GPRIN1: variants seen among roughly 807,000 people sequenced by gnomAD.
The protein encoded by GPRIN1 is G protein regulated inducer of neurite outgrowth 1.
A neutral mutation model predicts 2.8 loss-of-function variants in GPRIN1; 4 were observed. That is an observed-to-expected ratio of 1.45 (90% CI 0.71 to 3.32). The LOEUF is 3.32. Among genes scored for constraint, GPRIN1 ranks in the 30% most tolerant of loss-of-function variants. The probability of loss-of-function intolerance (pLI) is 0.01; values close to 1 mark genes in which losing one functional copy is unlikely to be tolerated. For synonymous variants in GPRIN1, 589 were observed against 589.9 expected (o/e 1.00, Z 0.02); for missense variants, 1,322 against 1,343.4 (o/e 0.98, Z 0.25).
chr5:176,597,525 G>A lies in GPRIN1; in HGVS notation c.2310C>T (p.Ala770=), dbSNP rs904976948. Residue 770 remains alanine (A), a synonymous_variant, in exon 2 of 2, where the codon GCC becomes GCT. Coordinates refer to ENST00000303991, the MANE Select transcript of GPRIN1 (RefSeq NM_052899.3). The surrounding 1 kb of genome is among the most constrained non-coding windows in gnomAD (Gnocchi z 6.1). ...GGCAGGGGCTTCTCTCGGCCCCAGC[G>A]GCTTCCAGGTCTTTCTGGCCGAGAC... ...ASSLGQKDLE[A]AGAERSPCPE... The A allele has an allele frequency of 1.6e-5, 24 of 1,502,866 alleles. No individual in the cohort carries two copies. The highest frequency in any genetic ancestry group is 1.1e-4 in the African/African-American group (8 of 71,418). 93.1% of individuals were successfully genotyped at this position (1,502,866 alleles called of 1,614,324 possible). A position where few individuals can be genotyped will look rare whatever the true frequency, so the allele number is the denominator to read the frequency against.
chr5:176,597,760 C>T lies in GPRIN1; in HGVS notation c.2075G>A (p.Gly692Glu). ...ASGKGEPVSL[G>E]KADSAPSRKT... ...TCTGGAAGGTGCAGAGTCGGCTTTC[C>T]CCAGGGACACAGGCTCTCCCTTCCC... is the stretch of plus-strand genomic sequence containing the variant. Residue 692 changes from glycine to glutamate, a missense_variant, in exon 2 of 2, where the codon GGG becomes GAG. By Grantham distance (98) the Gly-to-Glu change is moderately conservative. Around this residue, in one of 3 missense-constraint regions of GPRIN1, gnomAD observed 1,117 missense variants for 1,128.6 expected, o/e 0.99. Coordinates refer to ENST00000303991, the MANE Select transcript of GPRIN1 (RefSeq NM_052899.3). The surrounding 1 kb of genome is among the most constrained non-coding windows in gnomAD (Gnocchi z 6.1). The T allele has an allele frequency of 6.2e-7, 1 of 1,604,420 alleles. No individual in the cohort carries two copies. Among genetic ancestry groups the T allele is most frequent in the Non-Finnish European group, 8.5e-7 (1 of 1,175,370 alleles).
chr5:176,598,767 T>A lies in GPRIN1; in HGVS notation c.1068A>T (p.Ala356=). The A allele has an allele frequency of 6.2e-7, 1 of 1,613,600 alleles. No individual in the cohort carries two copies. Among genetic ancestry groups the A allele is most frequent in the East Asian group, 2.2e-5 (1 of 44,880 alleles). The stretch of plus-strand genomic sequence containing the variant: ...GCACAGTTTCTACATTTCCCACAGA[T>A]GCGGGATCTGCCATCCCCAAGCATG... ...DPTCLGMADP[A]SVGNVETVPA... is the part of the protein sequence containing the mutation. Residue 356 remains alanine (A), a synonymous_variant, in exon 2 of 2, where the codon GCA becomes GCT. Coordinates refer to ENST00000303991, the MANE Select transcript of GPRIN1 (RefSeq NM_052899.3).
chr5:176,606,982 C>A (rs1759230857), intron 1 of GPRIN1, among the ~76,000 whole-genome samples: 1 of 152,198 alleles, frequency 6.6e-6, no homozygotes, highest in Admixed American at 6.5e-5. Flanking sequence ...AGGGTAGGGA[C>A]AGAGAGCCTG....
Position 176,597,022 on chromosome 5 carries a change from A to G in GPRIN1, c.2813T>C (p.Ile938Thr). ...AMEVEVLGMA[I>T]QKHLERQIEE... ...GATCTGTCGCTCCAGATGCTTCTGG[A>G]TGGCCATGCCCAGCACCTCCACCTC... The change falls in exon 2 of 2, where the codon ATC (isoleucine) becomes ACC (threonine). Residue 938 changes from isoleucine (I) to threonine (T), a missense_variant. Ile to Thr is a moderately conservative substitution (Grantham distance 89). Coordinates refer to ENST00000303991, the MANE Select transcript of GPRIN1 (RefSeq NM_052899.3). This position sits in a 1 kb window ranked among gnomAD's most constrained non-coding sequence, Gnocchi z 6.1. 1 of 1,479,244 alleles carries G rather than the reference A, an allele frequency of 6.8e-7. No homozygotes were observed. The highest frequency in any genetic ancestry group is 9.0e-7 in the Non-Finnish European group (1 of 1,110,320). 91.6% of individuals were successfully genotyped at this position (1,479,244 alleles called of 1,614,324 possible).
In GPRIN1 at chr5:176,596,830, C is replaced by A; in HGVS notation, c.3005G>T (p.Arg1002Leu). The change falls in exon 2 of 2, where the codon CGG (arginine) becomes CTG (leucine). Residue 1002 changes from arginine (R) to leucine (L), a missense_variant. Around this residue, in one of 3 missense-constraint regions of GPRIN1, gnomAD observed 196 missense variants for 189.2 expected, o/e 1.04. Coordinates refer to ENST00000303991, the MANE Select transcript of GPRIN1 (RefSeq NM_052899.3). This position sits in a 1 kb window ranked among gnomAD's most constrained non-coding sequence, Gnocchi z 5.2. ...AGATCACTCGGCCGTGGGTCCCGCC[C>A]GCGAGCAGCACCGCGGCCGGCGCAC... is the stretch of plus-strand genomic sequence containing the variant. ...QSVRRPRCCSRAGPTAE is the reference protein window; with the variant it reads ...QSVRRPRCCSLAGPTAE 1.4e-6 allele frequency: 2 copies of A among 1,413,602 alleles called. No homozygotes were observed. Among genetic ancestry groups the A allele is most frequent in the South Asian group, 1.6e-5 (1 of 64,116 alleles). The allele number at this position is 1,413,602 out of a possible 1,614,324, so 87.6% of individuals were successfully genotyped here. A position where few individuals can be genotyped will look rare whatever the true frequency, so the allele number is the denominator to read the frequency against.
rs757342669 is a variant in GPRIN1 at position 176,598,770 on chromosome 5, G to A, written c.1065C>T (p.Pro355=). 19 of 1,613,496 alleles carry A rather than the reference G, an allele frequency of 1.2e-5. No homozygotes were observed. The highest frequency in any genetic ancestry group is 8.9e-5 in the East Asian group (4 of 44,876). The change falls in exon 2 of 2, where the codon CCC becomes CCT. Residue 355 remains proline (P), a synonymous_variant. Transcript: ENST00000303991. ...LDPTCLGMAD[P]ASVGNVETVP... ...CAGTTTCTACATTTCCCACAGATGC[G>A]GGATCTGCCATCCCCAAGCATGTGG...
chr5:176,600,275 C>T (rs992797743), intron 1 of GPRIN1, among the ~76,000 whole-genome samples: 6 of 152,240 alleles, frequency 3.9e-5, no homozygotes, highest in East Asian at 1.9e-4. Flanking sequence ...TACAGGCATG[C>T]GCCACCACGC....
At chr5:176,606,043 C>T (rs896537805) in intron 1 of GPRIN1, among the ~76,000 whole-genome samples, 1 of 152,144 alleles carries the variant, frequency 6.6e-6, no homozygotes, top group African/African-American at 2.4e-5. Context: ...GGTCCTCACA[C>T]ACCAGCCCAG....
chr5:176,604,527 A>T (rs1759195497), intron 1 of GPRIN1, among the ~76,000 whole-genome samples: 2 of 152,066 alleles, frequency 1.3e-5, no homozygotes, highest in Admixed American at 1.3e-4. Context: ...ATAGGATTAT[A>T]CCTTGATCTC....
Position 176,598,661 on chromosome 5 carries a change from T to G in GPRIN1, c.1174A>C (p.Thr392Pro). 6.2e-7 allele frequency: 1 copy of G among 1,614,186 alleles called. No homozygotes were observed. The highest frequency in any genetic ancestry group is 8.5e-7 in the Non-Finnish European group (1 of 1,180,032). The change falls in exon 2 of 2, where the codon ACG (threonine) becomes CCG (proline). Residue 392 changes from threonine to proline, a missense_variant. Transcript: ENST00000303991. ...GTCTTTGCTGAAGCCGTAGTATCCG[T>G]GTGGCCAGACACAGGACGCCCCTCT... ...SGEGRPVSGH[T>P]DTTASAKTDL...
Position 176,598,455 on chromosome 5 carries a change from G to A in GPRIN1, c.1380C>T (p.Ser460=). 1 of 1,614,104 alleles carries A rather than the reference G, an allele frequency of 6.2e-7. No individual in the cohort carries two copies. Among genetic ancestry groups the A allele is most frequent in the South Asian group, 1.1e-5 (1 of 91,082 alleles). The part of the protein sequence containing the change: ...TVSPGKEDPV[S]SRREDPISAG... The stretch of plus-strand genomic sequence containing the variant: ...CAGATATGGGGTCCTCCCTTCTGGA[G>A]GACACCGGGTCCTCTTTTCCTGGGG... Residue 460 remains serine (S), a synonymous_variant, in exon 2 of 2, where the codon TCC becomes TCT. Transcript: ENST00000303991.
intron 1 of GPRIN1, among the ~76,000 whole-genome samples, chr5:176,600,495 C>G (rs1246200645): frequency 6.6e-6 from 1 of 152,198 alleles, no homozygotes; most frequent in East Asian, 1.9e-4. Context: ...CTTTTGTCCT[C>G]TAGGCCAGGG....
At chr5:176,603,902 G>C (rs2113352322) in intron 1 of GPRIN1, among the ~76,000 whole-genome samples, 1 of 152,334 alleles carries the variant, frequency 6.6e-6, no homozygotes, top group Non-Finnish European at 1.5e-5. Flanking sequence ...GACATCCCCA[G>C]ACTGAGGGAG....
Position 176,596,019 on chromosome 5 carries a change from G to A in GPRIN1, c.*789C>T, listed in dbSNP as rs887239311. 1.1e-5 allele frequency: 2 copies of A among 183,132 alleles called. No individual in the cohort carries two copies. Among genetic ancestry groups the A allele is most frequent in the African/African-American group, 4.7e-5 (2 of 42,664 alleles). 11.3% of individuals were successfully genotyped at this position (183,132 alleles called of 1,614,324 possible). A position where few individuals can be genotyped will look rare whatever the true frequency, so the allele number is the denominator to read the frequency against. On this transcript the variant is annotated 3_prime_UTR_variant, in exon 2 of 2. Transcript: ENST00000303991. The surrounding 1 kb of genome is among the most constrained non-coding windows in gnomAD (Gnocchi z 5.2). ...ATACCCAAGAACACCGGTCACCCAG[G>A]ATGCCAGGGCCCAAGAGCTTCTGTG...
chr5:176,608,950 G>A (rs1201035034), intron 1 of GPRIN1, among the ~76,000 whole-genome samples: 2 of 152,222 alleles, frequency 1.3e-5, no homozygotes, highest in Non-Finnish European at 2.9e-5. Flanking sequence ...CCCTTCTCTC[G>A]TAGTGCCCTC....
rs762814613 is a variant in GPRIN1 at position 176,599,760 on chromosome 5, T to A, written c.75A>T (p.Thr25=). Residue 25 remains threonine, a synonymous_variant, in exon 2 of 2, where the codon ACA becomes ACT. Coordinates refer to ENST00000303991, the MANE Select transcript of GPRIN1 (RefSeq NM_052899.3). ...TCCCATCCTGTGGGCAGAAGAAGGCTGTGGGTCGGGGTCCTGGGGGGCTGG... is the reference window on the plus strand; with the variant it reads ...TCCCATCCTGTGGGCAGAAGAAGGCAGTGGGTCGGGGTCCTGGGGGGCTGG... ...KDSSPPGPRP[T]AFFCPQDGSL... 6.5e-7 allele frequency: 1 copy of A among 1,528,550 alleles called. No individual in the cohort carries two copies. The highest frequency in any genetic ancestry group is 2.2e-5 in the Admixed American group (1 of 46,312). 94.7% of individuals were successfully genotyped at this position (1,528,550 alleles called of 1,614,324 possible).
intron 1 of GPRIN1, among the ~76,000 whole-genome samples, chr5:176,600,394 G>A (rs1281080965): frequency 1.3e-5 from 2 of 152,036 alleles, no homozygotes; most frequent in Admixed American, 6.5e-5. Flanking sequence ...GAGCCACTGC[G>A]CCCCACCCAC....
chr5:176,609,704 C>G (rs894064405), intron 1 of GPRIN1, among the ~76,000 whole-genome samples: 2 of 151,944 alleles, frequency 1.3e-5, no homozygotes, highest in Non-Finnish European at 2.9e-5. Context: ...GGCGCGGGGC[C>G]GACCCCACAG....
At chr5:176,607,398 C>T (rs531965349) in intron 1 of GPRIN1, among the ~76,000 whole-genome samples, 2 of 152,344 alleles carry the variant, frequency 1.3e-5, no homozygotes, top group South Asian at 4.1e-4. Flanking sequence ...GGCCGGAGTG[C>T]AGTGGCATGA....
Sources: gnomAD v4.1 joint callset for allele counts (sites outside exome capture counted in the v4.1 genomes callset) on GRCh38, gnomAD v4.1.1 for gene constraint, gnomAD v4.1.1 regional missense constraint, Gnocchi (gnomAD v3.1) non-coding constraint, MANE v1.5 for transcripts, NCBI Gene and HGNC (gene_info 2026-07-23, HGNC 2026-07-21) for gene names.